The following IQCJ variants were observed in gnomAD, a reference collection of about 807,000 sequenced individuals.
IQCJ encodes IQ motif containing J, also known as IQ domain-containing protein J.
A neutral mutation model predicts 11.0 loss-of-function variants in IQCJ; 9 were observed. The ratio of observed to expected loss-of-function variants is 0.82; its 90% confidence interval spans 0.49 to 1.43. The LOEUF is 1.43. IQCJ is among the 40% of genes most tolerant of loss of function. The pLI, the probability that IQCJ is intolerant of heterozygous loss-of-function variation, is 0.00. For synonymous variants in IQCJ, 55 were observed against 51.3 expected (o/e 1.07, Z -0.31); for missense variants, 146 against 133.2 (o/e 1.10, Z -0.47).
At chr3:159,186,150 T>C (rs1239778096) in intron 1 of IQCJ, among the ~76,000 whole-genome samples, 1 of 152,116 alleles carries the variant, frequency 6.6e-6, no homozygotes, top group Non-Finnish European at 1.5e-5. Context: ...ACAGTGAAGG[T>C]TGACTTAGTG....
At chr3:159,211,844 T>C (rs1387681617) in intron 1 of IQCJ, among the ~76,000 whole-genome samples, 1 of 151,880 alleles carries the variant, frequency 6.6e-6, no homozygotes, top group African/African-American at 2.4e-5. Flanking sequence ...AGTTTGAGGG[T>C]GAAATTTGAA....
At chr3:159,092,255 C>T (rs1352665058) in intron 1 of IQCJ, among the ~76,000 whole-genome samples, 1 of 151,812 alleles carries the variant, frequency 6.6e-6, no homozygotes, top group East Asian at 1.9e-4. Context: ...CAGACAAATC[C>T]AGAATGTGGG....
intron 1 of IQCJ, among the ~76,000 whole-genome samples, chr3:159,156,234 G>A (rs114407662): frequency 0.011 from 1,721 of 152,270 alleles, 24 homozygotes; most frequent in Non-Finnish European, 0.018. Context: ...TCCTGTTCTG[G>A]AGGAGTTTCT....
intron 1 of IQCJ, among the ~76,000 whole-genome samples, chr3:159,080,941 T>C (rs1230991190): frequency 5.3e-5 from 8 of 152,118 alleles, no homozygotes; most frequent in Non-Finnish European, 7.4e-5. Flanking sequence ...CAGGTTTACT[T>C]AGAGCACTCA....
At chr3:159,114,404 AG>A (rs1718825730) in intron 1 of IQCJ, among the ~76,000 whole-genome samples, 1 of 150,802 alleles carries the variant, frequency 6.6e-6, no homozygotes, top group Non-Finnish European at 1.5e-5. Context: ...TCTGTCTCCC[AG>A]GTTCAAGCGA....
At chr3:159,220,174 G>A (rs765039233) in intron 1 of IQCJ, among the ~76,000 whole-genome samples, 27 of 152,174 alleles carry the variant, frequency 1.8e-4, no homozygotes, top group Non-Finnish European at 3.1e-4. Flanking sequence ...GTTAAAAATG[G>A]GAAAAGGGTT....
intron 1 of IQCJ, chr3:159,070,226 G>C (rs1406567458): frequency 6.5e-6 from 1 of 152,754 alleles, no homozygotes; most frequent in East Asian, 1.9e-4. Flanking sequence ...AAAGCAGCGT[G>C]AGAGTGCAGG....
At position 159,123,002 on chromosome 3, in the gene IQCJ, C is replaced by A. The variant is rs188327560; in HGVS notation, c.9+53561C>A. Among the ~76,000 whole-genome samples the A allele has an allele frequency of 3.0e-4, 46 of 152,160 alleles. No homozygotes were observed. In the East Asian group the frequency reaches 8.5e-3, roughly 28 times the overall value. On this transcript the variant is annotated intron_variant, in intron 1 of 3. Transcript: ENST00000397832. The stretch of plus-strand genomic sequence containing the variant: ...TTTCAGAGGGAAGCAGCATTTATCT[C>A]GGTCAGTCTTAGAATTTGGAGAGGC...
intron 3 of IQCJ, among the ~76,000 whole-genome samples, chr3:159,257,881 C>T (rs1387574262): frequency 6.6e-6 from 1 of 152,078 alleles, no homozygotes; most frequent in South Asian, 2.1e-4. Flanking sequence ...AGGGAACAAA[C>T]GTAATGGGGA....
At chr3:159,219,750 T>C (rs1371408691) in intron 1 of IQCJ, among the ~76,000 whole-genome samples, 1 of 152,136 alleles carries the variant, frequency 6.6e-6, no homozygotes, top group Non-Finnish European at 1.5e-5. Flanking sequence ...CATTGGGAGA[T>C]ACATGTTAGT....
intron 1 of IQCJ, among the ~76,000 whole-genome samples, chr3:159,087,413 C>G (rs1716866231): frequency 6.8e-6 from 1 of 146,958 alleles, no homozygotes; most frequent in Non-Finnish European, 1.5e-5. Flanking sequence ...GCTTTGGTAT[C>G]AGGATGATGC....
intron 1 of IQCJ, among the ~76,000 whole-genome samples, chr3:159,189,268 G>A (rs571888460): frequency 9.2e-5 from 14 of 152,284 alleles, no homozygotes; most frequent in Admixed American, 2.6e-4. Context: ...TCAAGTACAT[G>A]ATAAAAAGTT....
chr3:159,250,488 C>T (rs966492034), intron 2 of IQCJ, among the ~76,000 whole-genome samples: 1 of 152,080 alleles, frequency 6.6e-6, no homozygotes, highest in South Asian at 2.1e-4. Context: ...TGAAGAAATA[C>T]CTGAGACTGG....
intron 1 of IQCJ, among the ~76,000 whole-genome samples, chr3:159,179,326 T>C (rs2108010912): frequency 6.6e-6 from 1 of 152,288 alleles, no homozygotes; most frequent in East Asian, 1.9e-4. Context: ...CTGTTTTTCA[T>C]GGTCAGAGGT....
At chr3:159,110,095 C>G (rs1453451538) in intron 1 of IQCJ, among the ~76,000 whole-genome samples, 1 of 152,168 alleles carries the variant, frequency 6.6e-6, no homozygotes, top group Non-Finnish European at 1.5e-5. Context: ...TTATAGCTTT[C>G]TATAGCTTTT....
At chr3:159,226,293 GA>G (rs1304158886) in intron 1 of IQCJ, among the ~76,000 whole-genome samples, 4 of 152,138 alleles carry the variant, frequency 2.6e-5, no homozygotes, top group Admixed American at 2.0e-4. Flanking sequence ...CCCTCATCAT[GA>G]AGCTATGTAG....
chr3:159,192,246 T>C (rs1269472558), intron 1 of IQCJ, among the ~76,000 whole-genome samples: 1 of 152,232 alleles, frequency 6.6e-6, no homozygotes, highest in African/African-American at 2.4e-5. Context: ...ATTTATGTGC[T>C]TTGGAGACAG....
At chr3:159,248,779 T>C (rs918301884) in intron 2 of IQCJ, among the ~76,000 whole-genome samples, 3 of 152,344 alleles carry the variant, frequency 2.0e-5, no homozygotes, top group African/African-American at 7.2e-5. Flanking sequence ...CTCATGCAGC[T>C]TAATTCTCCA....
intron 1 of IQCJ, among the ~76,000 whole-genome samples, chr3:159,082,370 AT>A (rs1332370163): frequency 3.3e-5 from 5 of 150,260 alleles, no homozygotes; most frequent in Middle Eastern, 6.8e-3. Flanking sequence ...TGTTAGCCCT[AT>A]TTTACAGATG....
Sources: allele counts gnomAD v4.1 joint callset (sites outside exome capture counted in the v4.1 genomes callset), GRCh38; gene constraint gnomAD v4.1.1; transcripts MANE v1.5; gene names NCBI Gene and HGNC (gene_info 2026-07-23, HGNC 2026-07-21).